The following NRXN1 variants were observed in gnomAD, a reference collection of about 807,000 sequenced individuals.
The protein encoded by NRXN1 is neurexin 1, also known as neurexin-1.
In NRXN1, 39 loss-of-function variants were observed where a neutral mutation model predicts 150.9. The observed-to-expected ratio is 0.26, with a 90% CI of 0.20 to 0.34. NRXN1 has a LOEUF of 0.34. Ranked by LOEUF, NRXN1 falls within the 10% of genes least tolerant of loss-of-function variation. The pLI is 1.00. For missense variants in NRXN1, 1,815 were observed against 1,949.9 expected (o/e 0.93, Z 1.30); for synonymous variants, 924 against 757.0 (o/e 1.22, Z -3.62).
At chr2:50,400,465 C>T (rs987386124) in intron 17 of NRXN1, among the ~76,000 whole-genome samples, 11 of 152,182 alleles carry the variant, frequency 7.2e-5, no homozygotes, top group Middle Eastern at 3.4e-3. Flanking sequence ...GATTAAAATA[C>T]TTAGATTTCT....
At chr2:50,834,048 A>G (rs1671761506) in intron 5 of NRXN1, among the ~76,000 whole-genome samples, 2 of 152,208 alleles carry the variant, frequency 1.3e-5, no homozygotes, top group Non-Finnish European at 2.9e-5. Flanking sequence ...CAAAATACTT[A>G]ATGTAAAACT....
intron 8 of NRXN1, among the ~76,000 whole-genome samples, chr2:50,582,473 G>A (rs1190698248): frequency 2.9e-5 from 2 of 68,116 alleles, no homozygotes; most frequent in African/African-American, 1.5e-4. Context: ...AGTGAGACTC[G>A]TCTCCAAAAA....
chr2:50,174,274 G>C (rs918098835), intron 18 of NRXN1, among the ~76,000 whole-genome samples: 5 of 151,952 alleles, frequency 3.3e-5, no homozygotes, highest in African/African-American at 1.2e-4. Flanking sequence ...GACCCAGTTC[G>C]GCCATTGACT....
chr2:51,019,373 C>T (rs533864328), intron 2 of NRXN1, among the ~76,000 whole-genome samples: 24 of 152,152 alleles, frequency 1.6e-4, no homozygotes, highest in Non-Finnish European at 3.1e-4. Flanking sequence ...ATGCCTTTCA[C>T]TCGAAAAACA....
intron 12 of NRXN1, among the ~76,000 whole-genome samples, chr2:50,525,112 A>G (rs2092910970): frequency 6.6e-6 from 1 of 152,208 alleles, no homozygotes; most frequent in South Asian, 2.1e-4. Flanking sequence ...TCATTTTTAA[A>G]TGACTTACTA....
intron 17 of NRXN1, among the ~76,000 whole-genome samples, chr2:50,303,767 A>G (rs1290050173): frequency 6.6e-6 from 1 of 152,162 alleles, no homozygotes; most frequent in African/African-American, 2.4e-5. Flanking sequence ...GATTCTTTTT[A>G]CAAAAGTTAG....
chr2:50,230,782 G>A (rs915491086), intron 18 of NRXN1, among the ~76,000 whole-genome samples: 3 of 152,074 alleles, frequency 2.0e-5, no homozygotes, highest in Non-Finnish European at 2.9e-5. Context: ...ACTTCCAAGG[G>A]AAAAGGATGA....
At chr2:50,529,588 C>A (rs941455499) in intron 11 of NRXN1, among the ~76,000 whole-genome samples, 3 of 152,030 alleles carry the variant, frequency 2.0e-5, no homozygotes, top group Non-Finnish European at 2.9e-5. Flanking sequence ...AAAAAATAAA[C>A]CTAGATTCTG....
At chr2:50,848,729 C>T (rs1462439274) in intron 5 of NRXN1, among the ~76,000 whole-genome samples, 1 of 152,100 alleles carries the variant, frequency 6.6e-6, no homozygotes, top group African/African-American at 2.4e-5. Context: ...GCTAATAGAA[C>T]AAATACACCA....
At chr2:50,056,682 T>A (rs6708071) in intron 19 of NRXN1, among the ~76,000 whole-genome samples, 104,327 of 151,856 alleles carry the variant, frequency 0.69, 36,659 homozygotes, top group African/African-American at 0.83. Context: ...ATATTTGGAA[T>A]TTTTTTTTAA....
chr2:50,113,521 C>T (rs1573985014), intron 18 of NRXN1, among the ~76,000 whole-genome samples: 1 of 152,160 alleles, frequency 6.6e-6, no homozygotes, highest in African/African-American at 2.4e-5. Context: ...CCATAACTCA[C>T]CTTTGTAGGA....
intron 21 of NRXN1, among the ~76,000 whole-genome samples, chr2:50,050,152 A>G (rs967192707): frequency 8.8e-6 from 1 of 113,134 alleles, no homozygotes. Flanking sequence ...CATTCAAAGC[A>G]AAACTTCTTT....
At chr2:50,909,411 G>T (rs1290795636) in intron 5 of NRXN1, among the ~76,000 whole-genome samples, 1 of 151,944 alleles carries the variant, frequency 6.6e-6, no homozygotes, top group Non-Finnish European at 1.5e-5. Context: ...TGTCAAATTT[G>T]TGACTTCATT....
At chr2:50,369,819 T>C (rs1454626349) in intron 17 of NRXN1, among the ~76,000 whole-genome samples, 1 of 151,990 alleles carries the variant, frequency 6.6e-6, no homozygotes, top group Non-Finnish European at 1.5e-5. Flanking sequence ...GTACGGAGAC[T>C]GGTCAAGATG....
intron 19 of NRXN1, among the ~76,000 whole-genome samples, chr2:50,085,979 T>A (rs1344297718): frequency 6.6e-6 from 1 of 152,126 alleles, no homozygotes; most frequent in African/African-American, 2.4e-5. Flanking sequence ...CCAAGTGTAG[T>A]TTTTACTCTG....
intron 5 of NRXN1, among the ~76,000 whole-genome samples, chr2:50,628,302 T>C (rs141239424): frequency 7.2e-5 from 11 of 151,786 alleles, no homozygotes; most frequent in African/African-American, 2.4e-4. Context: ...AAAATGAAAA[T>C]ATATCATTTC....
At chr2:50,794,161 A>G (rs1355430707) in intron 5 of NRXN1, among the ~76,000 whole-genome samples, 3 of 152,082 alleles carry the variant, frequency 2.0e-5, no homozygotes, top group South Asian at 2.1e-4. Context: ...ACCCTTTTTC[A>G]TAGGCATTTT....
intron 17 of NRXN1, among the ~76,000 whole-genome samples, chr2:50,402,214 C>G (rs572919293): frequency 1.5e-4 from 23 of 151,968 alleles, no homozygotes; most frequent in Non-Finnish European, 3.2e-4. Flanking sequence ...AGTAACTGAG[C>G]CTTCATGTCT....
In NRXN1 at chr2:50,349,585, C is replaced by T. The variant is rs113387273; in HGVS notation, c.3365-112615G>A. On this transcript the variant is annotated intron_variant, in intron 17 of 22. Transcript: ENST00000401669. ...TTTTGATGCCACCATTTACTGGTTA[C>T]ATCACATTAGTTACTGAGTCTTTCC... Among the ~76,000 whole-genome samples the T allele has an allele frequency of 6.5e-3, 986 of 152,316 alleles. 2 individuals carry two copies. Among genetic ancestry groups the T allele is most frequent in the Non-Finnish European group, 0.01 (704 of 68,032 alleles).
Sources: gnomAD v4.1 joint callset for allele counts (sites outside exome capture counted in the v4.1 genomes callset) on GRCh38, gnomAD v4.1.1 for gene constraint, MANE v1.5 for transcripts, NCBI Gene and HGNC (gene_info 2026-07-23, HGNC 2026-07-21) for gene names.